Variants in CACNA2D3 observed in about 807,000 individuals in gnomAD.
CACNA2D3 encodes voltage-dependent calcium channel subunit alpha-2/delta-3.
A neutral mutation model predicts 160.6 loss-of-function variants in CACNA2D3; 60 were observed. The observed-to-expected ratio is 0.37, with a 90% CI of 0.30 to 0.46. The LOEUF (loss-of-function observed/expected upper bound fraction) is 0.46, where lower values mean the gene tolerates loss of function less well. Among genes scored for constraint, CACNA2D3 ranks in the 20% least tolerant of loss-of-function variants. The pLI, the probability that CACNA2D3 is intolerant of heterozygous loss-of-function variation, is 1.00. For synonymous variants in CACNA2D3, 558 were observed against 492.9 expected (o/e 1.13, Z -1.75); for missense variants, 1,205 against 1,365.0 (o/e 0.88, Z 1.85).
At chr3:54,151,558 A>G (rs1008062395) in intron 2 of CACNA2D3, among the ~76,000 whole-genome samples, 2 of 152,136 alleles carry the variant, frequency 1.3e-5, no homozygotes, top group African/African-American at 4.8e-5. Flanking sequence ...CTAAGTCCAT[A>G]TATCTACTTG....
intron 2 of CACNA2D3, among the ~76,000 whole-genome samples, chr3:54,173,616 AT>A (rs1700614425): frequency 6.6e-6 from 1 of 152,348 alleles, no homozygotes; most frequent in East Asian, 1.9e-4. Flanking sequence ...CACCTTGCTA[AT>A]AATTAGAGAA....
intron 13 of CACNA2D3, among the ~76,000 whole-genome samples, chr3:54,770,504 A>T (rs902065647): frequency 2.0e-5 from 3 of 152,250 alleles, no homozygotes; most frequent in African/African-American, 7.2e-5. Context: ...AACCGTGTTT[A>T]TGCAAAATTA....
rs190249145 is a variant in CACNA2D3, at chr3:55,062,091, A to G, written c.2988-11354A>G. Among the ~76,000 whole-genome samples the G allele has an allele frequency of 1.9e-3, 282 of 152,220 alleles. 1 individual carries two copies. Among genetic ancestry groups the G allele is most frequent in the Middle Eastern group, 6.8e-3 (2 of 294 alleles). ...ACCCATTTGCCAAAGAGCTTGTGCT[A>G]CTTTGAATTATATTTTTATCTTTCA... On this transcript the variant is annotated intron_variant, in intron 35 of 37. Coordinates refer to ENST00000474759, the MANE Select transcript of CACNA2D3 (RefSeq NM_018398.3).
At chr3:54,266,121 G>A (rs1702512506) in intron 2 of CACNA2D3, among the ~76,000 whole-genome samples, 1 of 152,168 alleles carries the variant, frequency 6.6e-6, no homozygotes, top group Non-Finnish European at 1.5e-5. Context: ...TGACTTGGAA[G>A]TTTTTGGTTG....
At chr3:54,626,684 CAAAAAAAAAA>C (rs71096430) in intron 9 of CACNA2D3, 192 of 318,090 alleles carry the variant, frequency 6.0e-4, no homozygotes, top group Middle Eastern at 1.7e-3. Context: ...TGGTTCCAGT[CAAAAAAAAAA>C]AAAAAAAAAA....
chr3:54,933,376 T>C (rs1446858030), intron 27 of CACNA2D3, among the ~76,000 whole-genome samples: 1 of 152,212 alleles, frequency 6.6e-6, no homozygotes, highest in Non-Finnish European at 1.5e-5. Context: ...CTGGGCTCCA[T>C]GGTGTCATTC....
chr3:54,491,920 T>G (rs1313432622), intron 4 of CACNA2D3, among the ~76,000 whole-genome samples: 1 of 152,196 alleles, frequency 6.6e-6, no homozygotes, highest in Non-Finnish European at 1.5e-5. Context: ...CACCCTTTCC[T>G]CTGGTTGAGA....
chr3:54,334,316 CCT>C (rs1704329496), intron 3 of CACNA2D3, among the ~76,000 whole-genome samples: 1 of 152,090 alleles, frequency 6.6e-6, no homozygotes, highest in South Asian at 2.1e-4. Flanking sequence ...TGACTCCTGA[CCT>C]CAAGTGATCC....
At chr3:54,209,211 T>C (rs1311352009) in intron 2 of CACNA2D3, among the ~76,000 whole-genome samples, 1 of 152,146 alleles carries the variant, frequency 6.6e-6, no homozygotes, top group African/African-American at 2.4e-5. Flanking sequence ...ACTCACATAA[T>C]TTTTGGAAGA....
At chr3:54,437,593 T>C (rs1056134117) in intron 4 of CACNA2D3, among the ~76,000 whole-genome samples, 1 of 152,202 alleles carries the variant, frequency 6.6e-6, no homozygotes, top group Non-Finnish European at 1.5e-5. Flanking sequence ...GGTGCCGATA[T>C]TGCCAGTCAC....
rs1345709872 is a variant in CACNA2D3 at position 55,049,917 on chromosome 3, G to T, written c.2988-23528G>T. Among the ~76,000 whole-genome samples, 5 of 150,690 alleles carry T rather than the reference G, an allele frequency of 3.3e-5. 1 individual carries two copies. The highest frequency in any genetic ancestry group is 1.2e-4 in the African/African-American group (5 of 40,664). The stretch of plus-strand genomic sequence containing the variant: ...TAAAGTCTGTTTTATCAGAGACTAG[G>T]ATTGCAACCCCTGCCTTTTTTTGTT... On this transcript the variant is annotated intron_variant, in intron 35 of 37. Transcript: ENST00000474759.
At chr3:54,214,818 C>T (rs1302591708) in intron 2 of CACNA2D3, among the ~76,000 whole-genome samples, 1 of 152,204 alleles carries the variant, frequency 6.6e-6, no homozygotes, top group East Asian at 1.9e-4. Flanking sequence ...GTAGTAAGGA[C>T]AGAGTGAGAC....
intron 5 of CACNA2D3, among the ~76,000 whole-genome samples, chr3:54,530,715 A>C (rs1335131303): frequency 6.6e-6 from 1 of 152,212 alleles, no homozygotes; most frequent in Non-Finnish European, 1.5e-5. Flanking sequence ...TAAATGAAGA[A>C]GGGAACTCAG....
chr3:54,673,455 T>A (rs1206799617), intron 11 of CACNA2D3, among the ~76,000 whole-genome samples: 1 of 152,210 alleles, frequency 6.6e-6, no homozygotes, highest in Non-Finnish European at 1.5e-5. Context: ...AAAACGCAAC[T>A]CATGAGACTA....
intron 2 of CACNA2D3, among the ~76,000 whole-genome samples, chr3:54,219,782 T>TA (rs1052102724): frequency 2.0e-5 from 3 of 152,138 alleles, no homozygotes; most frequent in African/African-American, 7.2e-5. Flanking sequence ...GTGGTGGATT[T>TA]AGTCCTGTTG....
chr3:54,950,723 G>C (rs1428605466), intron 27 of CACNA2D3, among the ~76,000 whole-genome samples: 1 of 152,158 alleles, frequency 6.6e-6, no homozygotes, highest in African/African-American at 2.4e-5. Flanking sequence ...TCGGCTGTGA[G>C]ATGGGAAATC....
intron 10 of CACNA2D3, chr3:54,638,318 G>A (rs1043897763): frequency 6.6e-6 from 1 of 151,994 alleles, no homozygotes; most frequent in Non-Finnish European, 1.5e-5. Context: ...AACACTATCT[G>A]ATTTGGGATA....
chr3:54,995,847 T>C (rs536928447), intron 31 of CACNA2D3, among the ~76,000 whole-genome samples: 2 of 152,318 alleles, frequency 1.3e-5, no homozygotes, highest in Admixed American at 6.5e-5. Flanking sequence ...ATGAGTCCTC[T>C]GGCTTCCTCT....
intron 9 of CACNA2D3, among the ~76,000 whole-genome samples, chr3:54,618,378 C>T (rs868430444): frequency 0.032 from 2,049 of 64,360 alleles, 35 homozygotes; most frequent in Middle Eastern, 0.06. Flanking sequence ...TATATATGCA[C>T]ACACACACAC....
Sources: allele counts gnomAD v4.1 joint callset (sites outside exome capture counted in the v4.1 genomes callset), GRCh38; gene constraint gnomAD v4.1.1; transcripts MANE v1.5; gene names NCBI Gene and HGNC (gene_info 2026-07-23, HGNC 2026-07-21).